The following NEK10 variants were observed in gnomAD, a reference collection of about 807,000 sequenced individuals.
NEK10 encodes the protein serine/threonine-protein kinase Nek10.
Under a neutral mutation model 159.8 loss-of-function variants are expected in NEK10, and 122 were observed. The ratio of observed to expected loss-of-function variants is 0.76; its 90% CI spans 0.66 to 0.89. The LOEUF (loss-of-function observed/expected upper bound fraction) is 0.89, where lower values mean the gene tolerates loss of function less well. Ranked by LOEUF, NEK10 falls within the 40% of genes least tolerant of loss-of-function variation. NEK10 has a pLI of 0.00. For missense variants in NEK10, 1,342 were observed against 1,323.1 expected, an observed-to-expected ratio of 1.01 and a Z score of -0.22; for synonymous variants, 466 against 457.1, an observed-to-expected ratio of 1.02 and a Z score of -0.25.
At position 27,301,723 on chromosome 3, in the gene NEK10, G is replaced by T; in HGVS notation, c.1141C>A (p.Gln381Lys). The T allele has an allele frequency of 6.3e-7, 1 of 1,575,272 alleles. No individual in the cohort carries two copies. The highest frequency in any genetic ancestry group is 2.3e-5 in the East Asian group (1 of 43,370). ...GCTTGAAGTGAGAAAGTATTTTCTT[G>T]TATTTCCCTAGGGCTCAAGTCTTCT... is the stretch of plus-strand genomic sequence containing the variant. ...LSEDLSPREI[Q>K]ENTFSLQAAC... The change falls in exon 13 of 36, where the codon CAA becomes AAA. Residue 381 changes from glutamine (Q) to lysine (K), a missense_variant. Physicochemically the swap from Gln to Lys is moderately conservative, Grantham distance 53. Coordinates refer to ENST00000691995, the MANE Select transcript of NEK10 (RefSeq NM_001394966.1).
chr3:27,199,759 C>T (rs888278006), intron 25 of NEK10, among the ~76,000 whole-genome samples: 2 of 152,108 alleles, frequency 1.3e-5, no homozygotes, highest in Non-Finnish European at 2.9e-5. Flanking sequence ...ATATACACAC[C>T]ATGGAATACT....
intron 22 of NEK10, among the ~76,000 whole-genome samples, chr3:27,266,846 C>T (rs572919840): frequency 6.6e-6 from 1 of 152,316 alleles, no homozygotes; most frequent in East Asian, 1.9e-4. Flanking sequence ...TCCTGTAGCA[C>T]TTGTGCAGTG....
chr3:27,108,430 G>GAA lies in NEK10; in HGVS notation c.*2840_*2841dup, dbSNP rs376868988. On this transcript the variant is annotated 3_prime_UTR_variant, in exon 36 of 36. Transcript: ENST00000691995. ...CTGCTGCAGTCACTTCCCTGAGAATGAAACATTTTGCTTTTAAAAAGCAAA... is the reference window on the plus strand; with the variant it reads ...CTGCTGCAGTCACTTCCCTGAGAATGAAAAACATTTTGCTTTTAAAAAGCAAA... Among the ~76,000 whole-genome samples the GAA allele has an allele frequency of 1.0e-3, 154 of 152,312 alleles. No individual in the cohort carries two copies. The highest frequency in any genetic ancestry group is 3.5e-3 in the African/African-American group (146 of 41,576).
At chr3:27,308,367 C>T (rs980839412) in intron 10 of NEK10, among the ~76,000 whole-genome samples, 1 of 152,110 alleles carries the variant, frequency 6.6e-6, no homozygotes, top group African/African-American at 2.4e-5. Context: ...GTTGGGGACA[C>T]AAAGCCTAAC....
chr3:27,323,805 A>G (rs2045822482), intron 5 of NEK10, among the ~76,000 whole-genome samples: 1 of 152,232 alleles, frequency 6.6e-6, no homozygotes, highest in Admixed American at 6.5e-5. Context: ...GCATCCTTCA[A>G]AGGTCTTTAA....
chr3:27,237,762 A>T (rs1954101572), intron 23 of NEK10, among the ~76,000 whole-genome samples: 1 of 152,260 alleles, frequency 6.6e-6, no homozygotes, highest in South Asian at 2.1e-4. Flanking sequence ...TCACCACTTA[A>T]GAACCTATCC....
At position 27,329,048 on chromosome 3, in the gene NEK10, G is replaced by A. The variant is rs191880256; in HGVS notation, c.363-6787C>T. On this transcript the variant is annotated intron_variant, in intron 5 of 35. Coordinates refer to ENST00000691995, the MANE Select transcript of NEK10 (RefSeq NM_001394966.1). ...TCTTGAATTCCCACATGTTGTGGGA[G>A]GGACCTGGTGGGAGGTATTTAATCA... 1.8e-4 allele frequency among the ~76,000 whole-genome samples: 28 copies of A among 152,292 alleles called. No individual in the cohort carries two copies. The East Asian group carries it at 5.4e-3, about 29-fold the overall frequency.
chr3:27,185,891 G>A (rs1264010876), intron 26 of NEK10, among the ~76,000 whole-genome samples: 1 of 152,184 alleles, frequency 6.6e-6, no homozygotes, highest in Admixed American at 6.5e-5. Flanking sequence ...TATAATGCAA[G>A]ATACTGAGAA....
At chr3:27,249,566 G>C (rs1248647207) in intron 23 of NEK10, among the ~76,000 whole-genome samples, 1 of 151,974 alleles carries the variant, frequency 6.6e-6, no homozygotes, top group East Asian at 1.9e-4. Flanking sequence ...GCTTCCATTG[G>C]CATGGAATAT....
At chr3:27,255,725 T>C (rs1381152079) in intron 23 of NEK10, among the ~76,000 whole-genome samples, 1 of 152,170 alleles carries the variant, frequency 6.6e-6, no homozygotes, top group African/African-American at 2.4e-5. Flanking sequence ...TCTCGATTTA[T>C]CAAAATATAA....
At chr3:27,278,758 A>T (rs1401857798) in intron 22 of NEK10, 12 of 985,078 alleles carry the variant, frequency 1.2e-5, no homozygotes, top group Non-Finnish European at 1.4e-5. Flanking sequence ...GTTTTTGAAA[A>T]GGTCAAGAAA....
intron 23 of NEK10, among the ~76,000 whole-genome samples, chr3:27,234,431 C>A (rs548807022): frequency 6.6e-6 from 1 of 152,042 alleles, no homozygotes; most frequent in Non-Finnish European, 1.5e-5. Context: ...GGATACAATT[C>A]AATGTGCAAA....
intron 23 of NEK10, among the ~76,000 whole-genome samples, chr3:27,218,938 C>A (rs1270835147): frequency 6.6e-6 from 1 of 152,176 alleles, no homozygotes; most frequent in African/African-American, 2.4e-5. Flanking sequence ...GGGTAAATAA[C>A]ATGAATCTTG....
Position 27,119,811 on chromosome 3 carries a change from A to G in NEK10, c.3139T>C (p.Leu1047=). Residue 1047 remains leucine (L), a synonymous_variant, in exon 33 of 36, where the codon TTA becomes CTA. Coordinates refer to ENST00000691995, the MANE Select transcript of NEK10 (RefSeq NM_001394966.1). ...EPNFFTADYH[L]LHRSSGGNSL... is the part of the protein sequence containing the mutation. ...TTTCCACCGGATGAACGATGTAATA[A>G]ATGGTAATCTGCTGTGAAAAAGTTG... 1 of 1,613,992 alleles carries G rather than the reference A, an allele frequency of 6.2e-7. No individual in the cohort carries two copies. Among genetic ancestry groups the G allele is most frequent in the Admixed American group, 1.7e-5 (1 of 60,022 alleles).
chr3:27,226,353 T>A (rs990137147), intron 23 of NEK10, among the ~76,000 whole-genome samples: 23 of 150,526 alleles, frequency 1.5e-4, no homozygotes, highest in Admixed American at 9.2e-4. Flanking sequence ...CCACAGTTTT[T>A]AAAAAAAAGA....
At chr3:27,308,322 G>T (rs1001543222) in intron 10 of NEK10, among the ~76,000 whole-genome samples, 1 of 152,062 alleles carries the variant, frequency 6.6e-6, no homozygotes, top group African/African-American at 2.4e-5. Flanking sequence ...GGGAATTATG[G>T]GGATTACAGG....
chr3:27,172,276 A>C (rs531573567), intron 28 of NEK10, among the ~76,000 whole-genome samples: 1 of 138,166 alleles, frequency 7.2e-6, no homozygotes, highest in East Asian at 2.4e-4. Context: ...CGGAGGTTGC[A>C]GTGAGCTAAG....
rs1156795484 is a variant in NEK10, at chr3:27,204,504, C to T, written c.2091-1947G>A. ...TCCCCAGAGTGTGATATTCCCCTTC[C>T]TGTGTCCCTGTGATCTCATTGTTCA... On this transcript the variant is annotated intron_variant, in intron 23 of 35. Transcript: ENST00000691995. 2.4e-5 allele frequency among the ~76,000 whole-genome samples: 3 copies of T among 126,210 alleles called. No homozygotes were observed. In the East Asian group the frequency reaches 7.1e-4, roughly 30 times the overall value. 82.8% of individuals were successfully genotyped at this position (126,210 alleles called of 152,430 possible).
intron 30 of NEK10, among the ~76,000 whole-genome samples, chr3:27,146,795 T>C (rs776576268): frequency 5.3e-5 from 8 of 152,082 alleles, no homozygotes; most frequent in Non-Finnish European, 1.2e-4. Context: ...AGGAAATGTA[T>C]TGGGTGTGAG....
Sources: gnomAD v4.1 joint callset for allele counts (sites outside exome capture counted in the v4.1 genomes callset) on GRCh38, gnomAD v4.1.1 for gene constraint, MANE v1.5 for transcripts, NCBI Gene and HGNC (gene_info 2026-07-23, HGNC 2026-07-21) for gene names.